Variants in SLC8A2 observed in about 807,000 individuals in gnomAD.
The protein encoded by SLC8A2 is sodium/calcium exchanger 2.
Under a neutral mutation model 70.2 loss-of-function variants are expected in SLC8A2, and 14 were observed. The ratio of observed to expected loss-of-function variants is 0.20; its 90% confidence interval spans 0.13 to 0.31. SLC8A2 has a LOEUF of 0.31. Among genes scored for constraint, SLC8A2 ranks in the 10% least tolerant of loss-of-function variants. SLC8A2 has a pLI of 1.00. For missense variants in SLC8A2, 779 were observed against 1,320.1 expected (o/e 0.59, Z 6.35); for synonymous variants, 575 against 594.3 (o/e 0.97, Z 0.47).
intron 8 of SLC8A2, among the ~76,000 whole-genome samples, chr19:47,434,390 C>A (rs1381079269): frequency 6.6e-6 from 1 of 152,202 alleles, no homozygotes; most frequent in Non-Finnish European, 1.5e-5. Context: ...CTGAAGTCAC[C>A]TCTCTGGTGT....
intron 4 of SLC8A2, among the ~76,000 whole-genome samples, chr19:47,442,666 TTGTC>T (rs1411405392): frequency 6.6e-6 from 1 of 152,130 alleles, no homozygotes; most frequent in African/African-American, 2.4e-5. Context: ...TACTGCTCTG[TTGTC>T]TTTCTTTTTA....
Position 47,448,668 on chromosome 19 carries a change from A to G in SLC8A2, c.1341-437T>C, listed in dbSNP as rs1481744540. Among the ~76,000 whole-genome samples the G allele has an allele frequency of 1.3e-5, 2 of 152,112 alleles. No individual in the cohort carries two copies. Among genetic ancestry groups the G allele is most frequent in the Admixed American group, 1.3e-4 (2 of 15,276 alleles). On this transcript the variant is annotated intron_variant, in intron 3 of 9. Coordinates refer to ENST00000236877, the MANE Select transcript of SLC8A2 (RefSeq NM_015063.3). The surrounding 1 kb of genome is among the most constrained non-coding windows in gnomAD (Gnocchi z 4.8). ...AATATGCATATGAATCCCCTGGTGG[A>G]GCTTGTGAAAATGCAGATTCTGGTT...
chr19:47,439,364 C>A (rs920237418), intron 6 of SLC8A2, among the ~76,000 whole-genome samples: 1 of 152,000 alleles, frequency 6.6e-6, no homozygotes, highest in Non-Finnish European at 1.5e-5. Context: ...CCCATCTCTA[C>A]TAAAAAATAC....
chr19:47,449,467 G>A (rs997873236), intron 3 of SLC8A2, among the ~76,000 whole-genome samples: 4 of 152,032 alleles, frequency 2.6e-5, no homozygotes, highest in Admixed American at 6.6e-5. Flanking sequence ...GACTACAGGC[G>A]CCTGCCACCA....
At chr19:47,439,489 C>T (rs1396400205) in intron 6 of SLC8A2, among the ~76,000 whole-genome samples, 1 of 152,124 alleles carries the variant, frequency 6.6e-6, no homozygotes, top group African/African-American at 2.4e-5. Context: ...GCCGAGATCG[C>T]ACCATTGCAC....
chr19:47,466,224 G>C lies in SLC8A2; in HGVS notation c.180C>G (p.Pro60=). The change falls in exon 2 of 10, where the codon CCC becomes CCG. Residue 60 remains proline, a synonymous_variant. Coordinates refer to ENST00000236877, the MANE Select transcript of SLC8A2 (RefSeq NM_015063.3). The surrounding 1 kb of genome is among the most constrained non-coding windows in gnomAD (Gnocchi z 6.9). ...CCTTGTCACCCAGCGACGGGTCGTC[G>C]GGCTCCCACACGGGCAGCAGCACCC... ...QPGVLLPVWE[P]DDPSLGDKAA... The C allele has an allele frequency of 6.2e-7, 1 of 1,608,648 alleles. No homozygotes were observed. The highest frequency in any genetic ancestry group is 1.1e-5 in the South Asian group (1 of 90,792).
At chr19:47,467,405 G>A (rs1376110316) in intron 1 of SLC8A2, among the ~76,000 whole-genome samples, 1 of 152,138 alleles carries the variant, frequency 6.6e-6, no homozygotes, top group East Asian at 1.9e-4. Context: ...CGGGTGTTGG[G>A]CCGTGTTTGT....
At position 47,430,492 on chromosome 19, in the gene SLC8A2, A is replaced by G. The variant is rs1244878878; in HGVS notation, c.2390-27T>C. The G allele has an allele frequency of 6.4e-7, 1 of 1,559,700 alleles. No individual in the cohort carries two copies. On this transcript the variant is annotated intron_variant, in intron 9 of 9. Coordinates refer to ENST00000236877, the MANE Select transcript of SLC8A2 (RefSeq NM_015063.3). The surrounding 1 kb of genome is among the most constrained non-coding windows in gnomAD (Gnocchi z 5.9). The stretch of plus-strand genomic sequence containing the variant: ...TGCGAGGCAGAGACATACAGGTCGG[A>G]GGGGCTTTGCGCCGCCACCCACAGG...
At chr19:47,452,797 C>T (rs1419992879) in intron 3 of SLC8A2, among the ~76,000 whole-genome samples, 1 of 152,038 alleles carries the variant, frequency 6.6e-6, no homozygotes, top group Non-Finnish European at 1.5e-5. Context: ...CTTTGGGAGG[C>T]CGGGGTGGAT....
intron 8 of SLC8A2, among the ~76,000 whole-genome samples, chr19:47,434,125 A>AT (rs1966997318): frequency 1.3e-5 from 2 of 152,246 alleles, no homozygotes; most frequent in Non-Finnish European, 1.5e-5. Flanking sequence ...TGCTGAACGC[A>AT]TCCCTAACTG....
At chr19:47,436,760 G>A (rs1194494146) in intron 8 of SLC8A2, among the ~76,000 whole-genome samples, 2 of 152,120 alleles carry the variant, frequency 1.3e-5, no homozygotes, top group African/African-American at 4.8e-5. Flanking sequence ...GGCCAGTGTT[G>A]GCTTCCAAGA....
intron 2 of SLC8A2, 38 bp from the exon 3 acceptor site, chr19:47,457,632 C>T (rs1479971336): frequency 7.4e-7 from 1 of 1,347,050 alleles, no homozygotes; most frequent in Non-Finnish European, 9.9e-7. Flanking sequence ...CCGGGCGGGC[C>T]GCCTTCTCCC....
chr19:47,439,460 G>T (rs1035995062), intron 6 of SLC8A2, among the ~76,000 whole-genome samples: 24 of 152,090 alleles, frequency 1.6e-4, no homozygotes, highest in African/African-American at 5.6e-4. Flanking sequence ...TGAACCCCGG[G>T]GGGTGGAGGT....
intron 7 of SLC8A2, 131 bp downstream of exon 7, chr19:47,437,718 C>T: frequency 8.3e-7 from 1 of 1,211,142 alleles, no homozygotes; most frequent in Non-Finnish European, 1.2e-6. Context: ...GAGGCATGTG[C>T]TGTCCGTGGT....
In SLC8A2 at chr19:47,437,546, G is replaced by C. The variant is rs1373560970; in HGVS notation, c.2026C>G (p.Leu676Val). The C allele has an allele frequency of 6.2e-7, 1 of 1,613,426 alleles. No individual in the cohort carries two copies. Among genetic ancestry groups the C allele is most frequent in the Non-Finnish European group, 8.5e-7 (1 of 1,179,444 alleles). The stretch of plus-strand genomic sequence containing the variant: ...AAGGCCAAGTTCGTTTTCTTGATGA[G>C]TTTATCCACCGTGTTCTGGGGATGA... The part of the protein sequence containing the change: ...SYDFKNTVDK[L>V]IKKTNLALVI... Residue 676 changes from leucine (L) to valine (V), a missense_variant, in exon 8 of 10, where the codon CTC becomes GTC. Leu to Val is a conservative substitution (Grantham distance 32). This residue lies in a region of SLC8A2 where 247 missense variants were observed against 362.8 expected (regional missense o/e 0.68). Transcript: ENST00000236877.
chr19:47,429,989 A>C lies in SLC8A2; in HGVS notation c.*100T>G. The C allele has an allele frequency of 4.0e-6, 5 of 1,258,138 alleles. No individual in the cohort carries two copies. Among genetic ancestry groups the C allele is most frequent in the Non-Finnish European group, 5.4e-6 (5 of 924,734 alleles). The allele number at this position is 1,258,138 out of a possible 1,614,324, so 77.9% of individuals were successfully genotyped here. A position where few individuals can be genotyped will look rare whatever the true frequency, so the allele number is the denominator to read the frequency against. On this transcript the variant is annotated 3_prime_UTR_variant, in exon 10 of 10. Transcript: ENST00000236877. ...AAGGGAGGCCGAGTCCCAGGAGAGG[A>C]GGCCGAGTCTGGGGGGAAAAGGAGA...
In SLC8A2 at chr19:47,457,776, T is replaced by TTTTTC. The variant is rs911023214; in HGVS notation, c.676-187_676-183dup. On this transcript the variant is annotated intron_variant, in intron 2 of 9. Transcript: ENST00000236877. ...TTTCTTTCTTTCTTTCCTTTCTTTCTTTTTCTTTTCTTTTCTTTTCTCTTC... is the reference window on the plus strand; with the variant it reads ...TTTCTTTCTTTCTTTCCTTTCTTTCTTTTTCTTTTCTTTTCTTTTCTTTTCTCTTC... Among the ~76,000 whole-genome samples the TTTTTC allele has an allele frequency of 1.2e-4, 18 of 146,202 alleles. No individual in the cohort carries two copies. The East Asian group carries it at 1.8e-3, about 15-fold the overall frequency.
chr19:47,432,688 A>G lies in SLC8A2; in HGVS notation c.2111-243T>C. The G allele has an allele frequency of 4.4e-6, 2 of 454,358 alleles. No individual in the cohort carries two copies. Among genetic ancestry groups the G allele is most frequent in the South Asian group, 5.0e-5 (1 of 19,992 alleles). The allele number at this position is 454,358 out of a possible 1,614,324, so 28.1% of individuals were successfully genotyped here. A position where few individuals can be genotyped will look rare whatever the true frequency, so the allele number is the denominator to read the frequency against. On this transcript the variant is annotated intron_variant, in intron 8 of 9. Coordinates refer to ENST00000236877, the MANE Select transcript of SLC8A2 (RefSeq NM_015063.3). This position sits in a 1 kb window ranked among gnomAD's most constrained non-coding sequence, Gnocchi z 6.2. ...TACTTTCCCAGAATCCTTTGGATCT[A>G]AATATGGCTAAGTCAGCAGTAAAAA...
intron 1 of SLC8A2, among the ~76,000 whole-genome samples, chr19:47,467,103 A>G (rs1054205862): frequency 2.6e-5 from 4 of 152,176 alleles, no homozygotes; most frequent in African/African-American, 9.7e-5. Flanking sequence ...AATAGCGCCA[A>G]TCTTCAAACA....
Sources: gnomAD v4.1 joint callset for allele counts (sites outside exome capture counted in the v4.1 genomes callset) on GRCh38, gnomAD v4.1.1 for gene constraint, gnomAD v4.1.1 regional missense constraint, Gnocchi (gnomAD v3.1) non-coding constraint, MANE v1.5 for transcripts, NCBI Gene and HGNC (gene_info 2026-07-23, HGNC 2026-07-21) for gene names.